LIN52: variants seen among roughly 807,000 people sequenced by gnomAD.
LIN52 encodes protein lin-52 homolog.
In LIN52, 4 loss-of-function variants were observed where a neutral mutation model predicts 18.5. That is an observed-to-expected ratio of 0.22 (90% CI 0.11 to 0.49). The LOEUF is 0.49. LIN52 is among the 20% of genes least tolerant of loss of function. LIN52 has a pLI of 0.97. For missense variants in LIN52, 102 were observed against 139.5 expected (o/e 0.73, Z 1.35); for synonymous variants, 34 against 45.5 (o/e 0.75, Z 1.02).
At chr14:74,111,873 TTC>T (rs974062178) in intron 5 of LIN52, among the ~76,000 whole-genome samples, 5 of 122,964 alleles carry the variant, frequency 4.1e-5, no homozygotes, top group African/African-American at 1.5e-4. Flanking sequence ...GTGATTTTTT[TTC>T]TTTTTTTCTT....
intron 5 of LIN52, among the ~76,000 whole-genome samples, chr14:74,188,491 G>T (rs1238287962): frequency 6.6e-6 from 1 of 151,818 alleles, no homozygotes; most frequent in Non-Finnish European, 1.5e-5. Context: ...TGTCAAATCT[G>T]TATTCTTAGG....
rs556117680 is a variant in LIN52, at chr14:74,112,313, T to A, written c.283+11075T>A. On this transcript the variant is annotated intron_variant, in intron 5 of 5. Transcript: ENST00000555028. ...ATTTCCTTGTTTGTTTGTTTTTTTT[T>A]AAATTTTTTTTTGAGACAGGGTTTC... Among the ~76,000 whole-genome samples the A allele has an allele frequency of 2.8e-4, 42 of 152,164 alleles. 1 individual carries two copies. The Middle Eastern group carries it at 0.02, about 74-fold the overall frequency.
intron 5 of LIN52, among the ~76,000 whole-genome samples, chr14:74,176,668 A>C (rs535048716): frequency 6.6e-6 from 1 of 152,274 alleles, no homozygotes; most frequent in East Asian, 1.9e-4. Context: ...AGGAATTTTT[A>C]AGTTCCATTA....
chr14:74,154,810 G>T (rs925591109), intron 5 of LIN52, among the ~76,000 whole-genome samples: 1 of 152,158 alleles, frequency 6.6e-6, no homozygotes, highest in African/African-American at 2.4e-5. Context: ...TGCTTGAAAA[G>T]TATTATTTTA....
chr14:74,091,025 A>T (rs903921839), intron 1 of LIN52, among the ~76,000 whole-genome samples: 3 of 152,262 alleles, frequency 2.0e-5, no homozygotes, highest in African/African-American at 7.2e-5. Flanking sequence ...ATAAAATATC[A>T]TTCCCATTCA....
chr14:74,096,918 C>T (rs2139864202), intron 3 of LIN52, among the ~76,000 whole-genome samples: 1 of 152,272 alleles, frequency 6.6e-6, no homozygotes, highest in Non-Finnish European at 1.5e-5. Context: ...TAGCATTAAA[C>T]TGCCAACCCA....
At chr14:74,111,707 C>T (rs4365232) in intron 5 of LIN52, among the ~76,000 whole-genome samples, 1,868 of 151,388 alleles carry the variant, frequency 0.012, 35 homozygotes, top group African/African-American at 0.042. Context: ...CCAATTAAGT[C>T]CTACCTCTCA....
intron 5 of LIN52, among the ~76,000 whole-genome samples, chr14:74,137,498 C>CTTTTTTTTTTTTTTTTTTTTTTTTTT (rs71460959): frequency 9.0e-6 from 1 of 111,624 alleles, no homozygotes; most frequent in African/African-American, 3.7e-5. Flanking sequence ...CAGCAGCTCT[C>CTTTTTTTTTTTTTTTTTTTTTTTTTT]TTTTTTTTTT....
At chr14:74,198,509 G>A (rs2078928341) in intron 5 of LIN52, among the ~76,000 whole-genome samples, 1 of 152,206 alleles carries the variant, frequency 6.6e-6, no homozygotes, top group South Asian at 2.1e-4. Flanking sequence ...TTTGATTTGA[G>A]ATTATAAATG....
intron 5 of LIN52, among the ~76,000 whole-genome samples, chr14:74,144,309 G>T (rs1421399406): frequency 2.0e-5 from 3 of 151,446 alleles, no homozygotes; most frequent in Admixed American, 6.6e-5. Flanking sequence ...AGCCATGGGG[G>T]TTGGGAGGGG....
chr14:74,124,219 TTAAAAA>T (rs1362681404), intron 5 of LIN52, among the ~76,000 whole-genome samples: 1 of 151,726 alleles, frequency 6.6e-6, no homozygotes, highest in Non-Finnish European at 1.5e-5. Context: ...AAAAAAGAAA[TTAAAAA>T]TACCATCTAA....
chr14:74,179,965 T>C (rs912316956), intron 5 of LIN52, among the ~76,000 whole-genome samples: 6 of 152,180 alleles, frequency 3.9e-5, no homozygotes, highest in South Asian at 2.1e-4. Context: ...CTCAAGCTCT[T>C]GAGTTTCTGA....
intron 4 of LIN52, 119 bp from the exon 5 acceptor site, chr14:74,101,036 C>T: frequency 2.6e-6 from 2 of 762,744 alleles, no homozygotes; most frequent in Non-Finnish European, 4.4e-6. Flanking sequence ...GATCCATTTT[C>T]TACTTATTCA....
At chr14:74,097,691 C>T in intron 3 of LIN52, 103 bp from the exon 4 acceptor site, 2 of 795,440 alleles carry the variant, frequency 2.5e-6, no homozygotes, top group Admixed American at 2.4e-5. Context: ...AATCCGCCCA[C>T]CTTGGCAGCC....
chr14:74,126,849 C>T (rs1294593333), intron 5 of LIN52, among the ~76,000 whole-genome samples: 2 of 152,172 alleles, frequency 1.3e-5, no homozygotes, highest in Admixed American at 6.5e-5. Flanking sequence ...CACTAAATGC[C>T]ACTGAATTGT....
intron 5 of LIN52, among the ~76,000 whole-genome samples, chr14:74,165,710 T>C (rs1043794519): frequency 6.6e-6 from 1 of 151,814 alleles, no homozygotes; most frequent in African/African-American, 2.4e-5. Flanking sequence ...GGTTTCACCA[T>C]GTTGGCCAGG....
intron 5 of LIN52, among the ~76,000 whole-genome samples, chr14:74,153,115 A>G (rs1254755473): frequency 1.3e-5 from 2 of 152,162 alleles, no homozygotes; most frequent in Non-Finnish European, 2.9e-5. Flanking sequence ...CTAATTTGGG[A>G]GTGGGAGGAG....
At chr14:74,141,569 C>G (rs1284077505) in intron 5 of LIN52, among the ~76,000 whole-genome samples, 1 of 152,146 alleles carries the variant, frequency 6.6e-6, no homozygotes. Flanking sequence ...AGTGATTTTC[C>G]TTACTTCAGG....
At chr14:74,198,218 T>C (rs2078926914) in intron 5 of LIN52, among the ~76,000 whole-genome samples, 1 of 152,216 alleles carries the variant, frequency 6.6e-6, no homozygotes, top group Non-Finnish European at 1.5e-5. Context: ...TTTACTTTCA[T>C]TTTGGAGCCT....
Sources: gnomAD v4.1 joint callset for allele counts (sites outside exome capture counted in the v4.1 genomes callset) on GRCh38, gnomAD v4.1.1 for gene constraint, MANE v1.5 for transcripts, NCBI Gene and HGNC (gene_info 2026-07-23, HGNC 2026-07-21) for gene names.